Variants in ADGRL2 observed in about 807,000 individuals in gnomAD.
The protein encoded by ADGRL2 is calcium-independent alpha-latrotoxin receptor 2.
A neutral mutation model predicts 157.4 loss-of-function variants in ADGRL2; 44 were observed. The ratio of observed to expected loss-of-function variants is 0.28; its 90% confidence interval spans 0.22 to 0.36. The LOEUF (loss-of-function observed/expected upper bound fraction) is 0.36, where lower values mean the gene tolerates loss of function less well. Among genes scored for constraint, ADGRL2 ranks in the 10% least tolerant of loss-of-function variants. The pLI is 1.00. For missense variants in ADGRL2, 1,510 were observed against 1,768.9 expected (o/e 0.85, Z 2.63); for synonymous variants, 585 against 624.7 (o/e 0.94, Z 0.95).
chr1:81,860,904 A>G (rs2093366710), intron 2 of ADGRL2, among the ~76,000 whole-genome samples: 1 of 151,716 alleles, frequency 6.6e-6, no homozygotes. Context: ...TCAGCATGTG[A>G]TAGGTGATTG....
chr1:81,992,196 T>A lies in ADGRL2; in HGVS notation c.*1051T>A, dbSNP rs917729393. ...TGAACAAAAGGTGCCTATTCTTTTTTAAAAAAATAAAATAAAACATAAATA... is the reference window on the plus strand; with the variant it reads ...TGAACAAAAGGTGCCTATTCTTTTTAAAAAAAATAAAATAAAACATAAATA... On this transcript the variant is annotated 3_prime_UTR_variant, in exon 24 of 24. Transcript: ENST00000686636. 2 of 152,500 alleles carry A rather than the reference T, an allele frequency of 1.3e-5. No homozygotes were observed. The highest frequency in any genetic ancestry group is 2.1e-4 in the South Asian group (1 of 4,830). The allele number at this position is 152,500 out of a possible 1,614,324, so 9.4% of individuals were successfully genotyped here. A position where few individuals can be genotyped will look rare whatever the true frequency, so the allele number is the denominator to read the frequency against.
In ADGRL2 at chr1:81,324,758, T is replaced by C. The variant is rs1174817919; in HGVS notation, c.-302+18249T>C. On this transcript the variant is annotated intron_variant, in intron 1 of 24. Coordinates refer to the ADGRL2 transcript ENST00000370721. ...TTGAGGCAGAGTGTTTTCCTGTCAC[T>C]TAAGTTAGAAAGCAGTGTCTCAATC... Among the ~76,000 whole-genome samples, 23 of 151,924 alleles carry C rather than the reference T, an allele frequency of 1.5e-4. No individual in the cohort carries two copies. In the East Asian group the frequency reaches 4.1e-3, roughly 27 times the overall value.
At chr1:81,531,284 C>T (rs1336123390) in intron 2 of ADGRL2, among the ~76,000 whole-genome samples, 1 of 152,050 alleles carries the variant, frequency 6.6e-6, no homozygotes, top group Non-Finnish European at 1.5e-5. Flanking sequence ...GAAAAATCAA[C>T]ATAATAGATT....
At chr1:81,659,017 G>A (rs1017528428) in intron 3 of ADGRL2, among the ~76,000 whole-genome samples, 12 of 145,794 alleles carry the variant, frequency 8.2e-5, no homozygotes, top group African/African-American at 3.1e-4. Flanking sequence ...CTCCCAAAGT[G>A]CTGGGTTTAC....
intron 3 of ADGRL2, among the ~76,000 whole-genome samples, chr1:81,909,334 T>A (rs2094657759): frequency 6.6e-6 from 1 of 152,160 alleles, no homozygotes; most frequent in African/African-American, 2.4e-5. Context: ...TTTGGCTTGT[T>A]TTTTCATTCC....
At chr1:81,787,706 A>C (rs1194442250) in intron 2 of ADGRL2, among the ~76,000 whole-genome samples, 1 of 152,058 alleles carries the variant, frequency 6.6e-6, no homozygotes, top group African/African-American at 2.4e-5. Flanking sequence ...AGTGGTGGGA[A>C]GTGGTGACAG....
chr1:81,990,295 G>T (rs1664331070), intron 23 of ADGRL2, 96 bp from the exon 24 acceptor site: 2 of 1,521,106 alleles, frequency 1.3e-6, no homozygotes, highest in Admixed American at 2.1e-5. Flanking sequence ...ATACAACTTT[G>T]TCCTGAACGA....
intron 3 of ADGRL2, among the ~76,000 whole-genome samples, chr1:81,625,076 A>C (rs2081882601): frequency 6.6e-6 from 1 of 152,138 alleles, no homozygotes; most frequent in South Asian, 2.1e-4. Flanking sequence ...CAACACCTTC[A>C]CTCTGAAACA....
chr1:81,830,440 A>G (rs549326549), intron 1 of ADGRL2, among the ~76,000 whole-genome samples: 2 of 152,336 alleles, frequency 1.3e-5, no homozygotes, highest in Admixed American at 1.3e-4. Flanking sequence ...GCAATGTGCT[A>G]TAGCACTTCA....
At chr1:81,461,437 G>C (rs963652286) in intron 2 of ADGRL2, among the ~76,000 whole-genome samples, 1 of 152,052 alleles carries the variant, frequency 6.6e-6, no homozygotes, top group Non-Finnish European at 1.5e-5. Flanking sequence ...TTTTGAGAAA[G>C]TGCTATCTCA....
chr1:81,845,340 T>C (rs1225205839), intron 2 of ADGRL2, among the ~76,000 whole-genome samples: 2 of 152,062 alleles, frequency 1.3e-5, no homozygotes, highest in Non-Finnish European at 2.9e-5. Context: ...TCACAACTGG[T>C]TATTTCCCGA....
intron 2 of ADGRL2, among the ~76,000 whole-genome samples, chr1:81,574,168 T>C (rs1403719790): frequency 7.0e-6 from 1 of 143,794 alleles, no homozygotes; most frequent in African/African-American, 2.6e-5. Flanking sequence ...GGAATTCCTA[T>C]AGGCTTAAGC....
At chr1:81,879,730 G>A (rs930985625) in intron 2 of ADGRL2, among the ~76,000 whole-genome samples, 1 of 152,086 alleles carries the variant, frequency 6.6e-6, no homozygotes, top group Non-Finnish European at 1.5e-5. Context: ...ATGTTGTATG[G>A]GCTTGGTGCA....
intron 3 of ADGRL2, among the ~76,000 whole-genome samples, chr1:81,653,044 C>T (rs2082453658): frequency 6.6e-6 from 1 of 152,068 alleles, no homozygotes; most frequent in Non-Finnish European, 1.5e-5. Flanking sequence ...TAACATATTC[C>T]TGTGGTCTCT....
At chr1:81,517,498 A>T (rs1403000952) in intron 2 of ADGRL2, among the ~76,000 whole-genome samples, 1 of 148,862 alleles carries the variant, frequency 6.7e-6, no homozygotes, top group Non-Finnish European at 1.5e-5. Context: ...AAGGATGTCA[A>T]AACCACGATC....
At chr1:81,782,636 C>T (rs571503758) in intron 2 of ADGRL2, among the ~76,000 whole-genome samples, 1 of 152,300 alleles carries the variant, frequency 6.6e-6, no homozygotes, top group Non-Finnish European at 1.5e-5. Flanking sequence ...GGAGACCACT[C>T]TATCACAACC....
chr1:81,884,140 A>T (rs937614097), intron 2 of ADGRL2, among the ~76,000 whole-genome samples: 1 of 152,068 alleles, frequency 6.6e-6, no homozygotes, highest in Admixed American at 6.6e-5. Flanking sequence ...CATGTGCGAC[A>T]ACTCCCAACT....
At chr1:81,693,983 A>G (rs1421961833) in intron 3 of ADGRL2, among the ~76,000 whole-genome samples, 1 of 152,230 alleles carries the variant, frequency 6.6e-6, no homozygotes, top group Non-Finnish European at 1.5e-5. Context: ...TGTACATTAT[A>G]TGAGGGATAC....
chr1:81,990,163 C>T, intron 23 of ADGRL2: 1 of 985,152 alleles, frequency 1.0e-6, no homozygotes, highest in Non-Finnish European at 1.2e-6. Flanking sequence ...ACTCTGTATG[C>T]CATTTTCTCT....
Sources: allele counts gnomAD v4.1 joint callset (sites outside exome capture counted in the v4.1 genomes callset), GRCh38; gene constraint gnomAD v4.1.1; transcripts MANE v1.5; gene names NCBI Gene and HGNC (gene_info 2026-07-23, HGNC 2026-07-21).